The following RNF38 variants were observed in gnomAD, a reference collection of about 807,000 sequenced individuals.
RNF38 encodes the protein ring finger protein 38.
In RNF38, 15 loss-of-function variants were observed where a neutral mutation model predicts 67.2. The observed-to-expected ratio is 0.22, with a 90% CI of 0.15 to 0.34. The LOEUF is 0.34. Ranked by LOEUF, RNF38 falls within the 10% of genes least tolerant of loss-of-function variation. The pLI is 1.00. For missense variants in RNF38, 524 were observed against 639.9 expected (o/e 0.82, Z 1.95); for synonymous variants, 220 against 218.8 (o/e 1.01, Z -0.05).
chr9:36,343,579 G>A (rs577296092), intron 10 of RNF38, among the ~76,000 whole-genome samples: 3 of 151,722 alleles, frequency 2.0e-5, no homozygotes, highest in Non-Finnish European at 2.9e-5. Context: ...CACTAGACTG[G>A]CTATAATAAA....
intron 1 of RNF38, among the ~76,000 whole-genome samples, chr9:36,429,820 TAAC>T (rs932042273): frequency 9.9e-5 from 15 of 152,144 alleles, no homozygotes; most frequent in African/African-American, 3.1e-4. Flanking sequence ...ATTAATTAAT[TAAC>T]AAACAGTAAT....
At chr9:36,405,396 A>C (rs1838152957), upstream of RNF38, among the ~76,000 whole-genome samples, 2 of 152,238 alleles carry the variant, frequency 1.3e-5, no homozygotes, top group Admixed American at 1.3e-4. Context: ...TCACATTTCT[A>C]ATCAGCCCAT....
chr9:36,420,698 C>T lies in RNF38; in HGVS notation n.312+3915G>A, dbSNP rs575805970. The stretch of plus-strand genomic sequence containing the variant: ...TAAGAGCAAAGACTTCTGTTTTCTT[C>T]AATGCAGTATCCCCAGTATCTAGAA... On this transcript the variant is annotated intron_variant and non_coding_transcript_variant, in intron 2 of 3. Transcript: ENST00000488058. Among the ~76,000 whole-genome samples the T allele has an allele frequency of 2.5e-4, 38 of 152,208 alleles. No homozygotes were observed. In the South Asian group the frequency reaches 7.3e-3, roughly 29 times the overall value.
rs566007878 is a variant in RNF38, at chr9:36,447,338, G to A, written n.242-22655C>T. Among the ~76,000 whole-genome samples the A allele has an allele frequency of 3.9e-5, 6 of 152,208 alleles. No individual in the cohort carries two copies. In the South Asian group the frequency reaches 1.2e-3, roughly 32 times the overall value. On this transcript the variant is annotated intron_variant and non_coding_transcript_variant, in intron 1 of 3. Coordinates refer to the RNF38 transcript ENST00000488058. ...AAAGTTGCTTGAGAGCAGAAGCCAT[G>A]ACTTACATGAATTGATTAAAAGCCT...
At chr9:36,366,211 A>G (rs1289820920) in intron 4 of RNF38, among the ~76,000 whole-genome samples, 3 of 152,200 alleles carry the variant, frequency 2.0e-5, no homozygotes, top group African/African-American at 7.2e-5. Flanking sequence ...ATGCATTTCT[A>G]AAAAATAAGA....
At chr9:36,341,525 T>C (rs1832830485) in intron 11 of RNF38, among the ~76,000 whole-genome samples, 1 of 152,158 alleles carries the variant, frequency 6.6e-6, no homozygotes, top group Non-Finnish European at 1.5e-5. Context: ...TTTTACTGTA[T>C]CACAATTTGA....
At chr9:36,405,844 C>CA, upstream of RNF38, among the ~76,000 whole-genome samples, 1 of 152,198 alleles carries the variant, frequency 6.6e-6, no homozygotes. Flanking sequence ...CATTTTAAAA[C>CA]ACACTAAACA....
chr9:36,362,592 T>A lies in RNF38; in HGVS notation c.571-4650A>T, dbSNP rs1162941833. Among the ~76,000 whole-genome samples, 3 of 151,542 alleles carry A rather than the reference T, an allele frequency of 2.0e-5. No individual in the cohort carries two copies. The East Asian group carries it at 5.8e-4, about 29-fold the overall frequency. On this transcript the variant is annotated intron_variant, in intron 4 of 11. Coordinates refer to ENST00000259605, the MANE Select transcript of RNF38 (RefSeq NM_022781.5). ...GGACCCTTTCCTGGTCAAAATGATC[T>A]CACAGCCACTCTTTGATCCCAGTTA...
At chr9:36,458,264 A>G (rs1017765322) in intron 1 of RNF38, among the ~76,000 whole-genome samples, 1 of 152,198 alleles carries the variant, frequency 6.6e-6, no homozygotes, top group Non-Finnish European at 1.5e-5. Flanking sequence ...AAGCACACCA[A>G]TCAGCACTCT....
rs939411262 is a variant in RNF38 at position 36,356,748 on chromosome 9, G to C, written c.739-275C>G. On this transcript the variant is annotated intron_variant, in intron 5 of 11. Coordinates refer to ENST00000259605, the MANE Select transcript of RNF38 (RefSeq NM_022781.5). ...TATGAAAAAGGGTTGGGGCGGGTGT[G>C]GGGGGGGCGGGGGGGAAGTGCTGCA... 3.3e-4 allele frequency among the ~76,000 whole-genome samples: 50 copies of C among 149,812 alleles called. 1 individual carries two copies. The South Asian group carries it at 3.4e-3, about 10-fold the overall frequency.
rs139154211 is a variant in RNF38, at chr9:36,470,808, G to A, written n.241+16500C>T. ...GCAGCCCCCATCTCCATACAGCATG[G>A]AGGAAGGAAAACTATTTCCAGTATT... On this transcript the variant is annotated intron_variant and non_coding_transcript_variant, in intron 1 of 3. Transcript: ENST00000488058. 8.9e-3 allele frequency among the ~76,000 whole-genome samples: 1,349 copies of A among 152,100 alleles called. 13 individuals are homozygous for A. Among genetic ancestry groups the A allele is most frequent in the Non-Finnish European group, 0.014 (955 of 67,982 alleles).
At chr9:36,367,456 A>G (rs894470687) in intron 4 of RNF38, among the ~76,000 whole-genome samples, 1 of 152,252 alleles carries the variant, frequency 6.6e-6, no homozygotes, top group African/African-American at 2.4e-5. Context: ...TGTTGATAAA[A>G]CCAATTATCT....
chr9:36,451,016 T>C (rs977204169), intron 1 of RNF38, among the ~76,000 whole-genome samples: 1 of 152,150 alleles, frequency 6.6e-6, no homozygotes, highest in Non-Finnish European at 1.5e-5. Context: ...AAATAAAGTA[T>C]ACTTAAATAC....
At chr9:36,346,393 G>A (rs989049466) in intron 9 of RNF38, among the ~76,000 whole-genome samples, 3 of 152,018 alleles carry the variant, frequency 2.0e-5, no homozygotes, top group African/African-American at 4.8e-5. Flanking sequence ...GTTTTGCCAC[G>A]TTGACCAGGC....
rs370152309 is a variant in RNF38 at position 36,376,077 on chromosome 9, A to G, written c.213T>C (p.Phe71=). 10 of 1,611,692 alleles carry G rather than the reference A, an allele frequency of 6.2e-6. No homozygotes were observed. The African/African-American group carries it at 9.4e-5, about 15-fold the overall frequency. Residue 71 remains phenylalanine (F), a synonymous_variant, in exon 3 of 12, where the codon TTT becomes TTC. Transcript: ENST00000259605. ...PKRQRLSHSV[F]DYTSASPAPS... The stretch of plus-strand genomic sequence containing the variant: ...GAGCTGGTGATGCTGATGTATAATC[A>G]AAGACTGAATGAGAGAGGCGCTGTC...
intron 2 of RNF38, among the ~76,000 whole-genome samples, chr9:36,418,028 G>GT (rs990274708): frequency 1.3e-5 from 2 of 150,168 alleles, no homozygotes; most frequent in African/African-American, 4.9e-5. Context: ...TGCTGTGTTT[G>GT]TTTTTACAAT....
At chr9:36,482,619 C>A (rs192072937) in intron 1 of RNF38, among the ~76,000 whole-genome samples, 1 of 152,178 alleles carries the variant, frequency 6.6e-6, no homozygotes, top group African/African-American at 2.4e-5. Flanking sequence ...TCCCAAAGTG[C>A]TGGGATTATA....
Position 36,400,146 on chromosome 9 carries a change from CAAT to C in RNF38, c.-41_-39del, listed in dbSNP as rs958477942. 2.7e-5 allele frequency: 43 copies of C among 1,610,498 alleles called. No homozygotes were observed. In the African/African-American group the frequency reaches 2.9e-4, roughly 11 times the overall value. On this transcript the variant is annotated 5_prime_UTR_variant, in exon 1 of 12. Transcript: ENST00000259605. ...AAAAACTTTATTTCTTTTTGGACCT[CAAT>C]AACCTGAAACACTCCCGTTTCAAAA...
intron 1 of RNF38, among the ~76,000 whole-genome samples, chr9:36,428,231 A>C (rs901058987): frequency 6.6e-6 from 1 of 151,870 alleles, no homozygotes; most frequent in African/African-American, 2.4e-5. Flanking sequence ...CCTGGCTAAC[A>C]CGGTGAAAGC....
Sources: gnomAD v4.1 joint callset for allele counts (sites outside exome capture counted in the v4.1 genomes callset) on GRCh38, gnomAD v4.1.1 for gene constraint, MANE v1.5 for transcripts, NCBI Gene and HGNC (gene_info 2026-07-23, HGNC 2026-07-21) for gene names.